The following CACNA2D3 variants were observed in gnomAD, a reference collection of about 807,000 sequenced individuals.
CACNA2D3 encodes calcium voltage-gated channel auxiliary subunit alpha2delta 3, also known as voltage-dependent calcium channel subunit alpha-2/delta-3.
Under a neutral mutation model 160.6 loss-of-function variants are expected in CACNA2D3, and 60 were observed. The ratio of observed to expected loss-of-function variants is 0.37; its 90% CI spans 0.30 to 0.46. The LOEUF is 0.46. CACNA2D3 is among the 20% of genes least tolerant of loss of function. The probability of loss-of-function intolerance (pLI) is 1.00; values close to 1 mark genes in which losing one functional copy is unlikely to be tolerated. For missense variants in CACNA2D3, 1,205 were observed against 1,365.0 expected (o/e 0.88, Z 1.85); for synonymous variants, 558 against 492.9 (o/e 1.13, Z -1.75).
chr3:54,565,564 T>C (rs1464057590), intron 6 of CACNA2D3, among the ~76,000 whole-genome samples: 1 of 152,148 alleles, frequency 6.6e-6, no homozygotes, highest in African/African-American at 2.4e-5. Flanking sequence ...CTATCTAATA[T>C]CACTAATGTC....
chr3:54,199,361 A>T (rs1003553672), intron 2 of CACNA2D3, among the ~76,000 whole-genome samples: 1 of 151,948 alleles, frequency 6.6e-6, no homozygotes, highest in African/African-American at 2.4e-5. Context: ...TTCTCTTTTT[A>T]AAAATTTTAT....
At chr3:54,151,013 T>A (rs1022545772) in intron 2 of CACNA2D3, among the ~76,000 whole-genome samples, 16 of 151,410 alleles carry the variant, frequency 1.1e-4, no homozygotes, top group Admixed American at 3.3e-4. Flanking sequence ...GATGAATGAA[T>A]GGATGTAGGG....
intron 4 of CACNA2D3, among the ~76,000 whole-genome samples, chr3:54,435,310 C>T (rs558098456): frequency 5.3e-5 from 8 of 152,256 alleles, no homozygotes; most frequent in South Asian, 2.1e-4. Context: ...GTCATCTCTC[C>T]GATCCTGCGT....
At chr3:54,828,864 C>T (rs1049983075) in intron 14 of CACNA2D3, among the ~76,000 whole-genome samples, 1 of 152,170 alleles carries the variant, frequency 6.6e-6, no homozygotes, top group African/African-American at 2.4e-5. Flanking sequence ...AATGTTTTGG[C>T]TAAAAGCAAA....
At chr3:54,616,284 G>A (rs1268149100) in intron 9 of CACNA2D3, among the ~76,000 whole-genome samples, 4 of 152,144 alleles carry the variant, frequency 2.6e-5, no homozygotes, top group African/African-American at 9.7e-5. Flanking sequence ...CCATGTCTAA[G>A]CTAATTCATA....
intron 5 of CACNA2D3, among the ~76,000 whole-genome samples, chr3:54,549,695 C>T (rs1017698307): frequency 2.6e-5 from 4 of 152,202 alleles, no homozygotes; most frequent in Admixed American, 1.3e-4. Flanking sequence ...TGTCTTTGCT[C>T]CAGCAGTATC....
chr3:54,992,615 G>A (rs1702765067), intron 31 of CACNA2D3, among the ~76,000 whole-genome samples: 2 of 151,902 alleles, frequency 1.3e-5, no homozygotes, highest in African/African-American at 4.8e-5. Context: ...CTTCCTAGAG[G>A]GAAGAGCCCC....
chr3:54,235,866 T>C (rs1701863652), intron 2 of CACNA2D3, among the ~76,000 whole-genome samples: 1 of 152,120 alleles, frequency 6.6e-6, no homozygotes, highest in Admixed American at 6.5e-5. Flanking sequence ...CATAGTGACT[T>C]TCTTTCAAAG....
intron 34 of CACNA2D3, among the ~76,000 whole-genome samples, chr3:55,012,672 G>A (rs1028646043): frequency 6.6e-6 from 1 of 152,078 alleles, no homozygotes; most frequent in Admixed American, 6.6e-5. Flanking sequence ...GGGGGAGGAG[G>A]GTTCTTATTA....
chr3:54,163,967 AG>A (rs1700399157), intron 2 of CACNA2D3, among the ~76,000 whole-genome samples: 3 of 152,208 alleles, frequency 2.0e-5, no homozygotes, highest in African/African-American at 7.2e-5. Context: ...GAGAGGGAAT[AG>A]CCCACGGGCT....
At chr3:54,926,284 G>T (rs1701015106) in intron 27 of CACNA2D3, among the ~76,000 whole-genome samples, 1 of 152,066 alleles carries the variant, frequency 6.6e-6, no homozygotes, top group Non-Finnish European at 1.5e-5. Context: ...TTGTAAATAT[G>T]GTTCCATTAT....
intron 27 of CACNA2D3, among the ~76,000 whole-genome samples, chr3:54,919,135 G>A (rs1373603625): frequency 6.6e-6 from 1 of 152,120 alleles, no homozygotes; most frequent in Non-Finnish European, 1.5e-5. Context: ...TAGAAGCCCA[G>A]TAACCTTCAT....
At chr3:54,128,305 A>G (rs1699638343) in intron 2 of CACNA2D3, among the ~76,000 whole-genome samples, 1 of 152,132 alleles carries the variant, frequency 6.6e-6, no homozygotes, top group Non-Finnish European at 1.5e-5. Flanking sequence ...ATATGTCAGC[A>G]TGAGCAAAAG....
chr3:54,312,089 G>C (rs1703755135), intron 2 of CACNA2D3, among the ~76,000 whole-genome samples: 1 of 152,170 alleles, frequency 6.6e-6, no homozygotes, highest in African/African-American at 2.4e-5. Flanking sequence ...ATCTGAATTA[G>C]AGGATTTTAA....
intron 4 of CACNA2D3, among the ~76,000 whole-genome samples, chr3:54,459,776 A>G (rs1700464921): frequency 6.6e-6 from 1 of 152,092 alleles, no homozygotes. Context: ...GTTTAGTTTA[A>G]TTGTATCCCA....
intron 20 of CACNA2D3, 91 bp from the exon 21 acceptor site, chr3:54,880,705 T>C: frequency 9.1e-7 from 1 of 1,096,290 alleles, no homozygotes; most frequent in Non-Finnish European, 1.4e-6. Context: ...AAAATGGAAA[T>C]GTGAAAAATG....
At chr3:54,460,755 A>C (rs1308328908) in intron 4 of CACNA2D3, among the ~76,000 whole-genome samples, 1 of 152,156 alleles carries the variant, frequency 6.6e-6, no homozygotes, top group Non-Finnish European at 1.5e-5. Context: ...TTCCTAATTG[A>C]ATACCCTTTA....
chr3:55,006,572 A>G (rs1020542615), intron 32 of CACNA2D3, among the ~76,000 whole-genome samples: 3 of 152,202 alleles, frequency 2.0e-5, no homozygotes, highest in Non-Finnish European at 2.9e-5. Context: ...TCACATCCTT[A>G]TCTGACCCTA....
chr3:54,132,586 G>A (rs1380158633), intron 2 of CACNA2D3, among the ~76,000 whole-genome samples: 2 of 152,156 alleles, frequency 1.3e-5, no homozygotes, highest in Admixed American at 6.5e-5. Context: ...GAATTATAGA[G>A]CCATAGCTGG....
Sources: allele counts gnomAD v4.1 joint callset (sites outside exome capture counted in the v4.1 genomes callset), GRCh38; gene constraint gnomAD v4.1.1; transcripts MANE v1.5; gene names NCBI Gene and HGNC (gene_info 2026-07-23, HGNC 2026-07-21).